Variants in FHIP1A observed in about 807,000 individuals in gnomAD.
FHIP1A encodes FHF complex subunit HOOK-interacting protein 1A.
In FHIP1A, 61 loss-of-function variants were observed where a neutral mutation model predicts 88.6. The ratio of observed to expected loss-of-function variants is 0.69; its 90% CI spans 0.56 to 0.85. The LOEUF (loss-of-function observed/expected upper bound fraction) is 0.85. FHIP1A is among the 40% of genes least tolerant of loss of function. FHIP1A has a pLI of 0.00. For missense variants in FHIP1A, 1,154 were observed against 1,273.5 expected, an observed-to-expected ratio of 0.91 and a Z score of 1.43; for synonymous variants, 478 against 496.0, an observed-to-expected ratio of 0.96 and a Z score of 0.48.
At chr4:151,542,442 C>T (rs1016108535) in intron 3 of FHIP1A, among the ~76,000 whole-genome samples, 2 of 152,132 alleles carry the variant, frequency 1.3e-5, no homozygotes, top group African/African-American at 4.8e-5. Flanking sequence ...TTGTCCCACT[C>T]TATATTCTCT....
At chr4:151,614,713 A>G (rs1385009864) in intron 7 of FHIP1A, among the ~76,000 whole-genome samples, 1 of 152,128 alleles carries the variant, frequency 6.6e-6, no homozygotes, top group Non-Finnish European at 1.5e-5. Flanking sequence ...GTCCCTGTAT[A>G]TGACCCAGGT....
intron 3 of FHIP1A, among the ~76,000 whole-genome samples, chr4:151,547,875 C>G (rs1732566417): frequency 6.6e-6 from 1 of 151,776 alleles, no homozygotes; most frequent in Non-Finnish European, 1.5e-5. Context: ...AATTGCACCA[C>G]TGCACTCCAG....
intron 1 of FHIP1A, among the ~76,000 whole-genome samples, chr4:151,440,399 T>TA (rs746755808): frequency 6.6e-6 from 1 of 152,182 alleles, no homozygotes; most frequent in Non-Finnish European, 1.5e-5. Context: ...GGCTCAAAAA[T>TA]ATTGTTGGAT....
chr4:151,568,343 C>T (rs1027438843), intron 4 of FHIP1A, among the ~76,000 whole-genome samples: 6 of 152,178 alleles, frequency 3.9e-5, no homozygotes, highest in African/African-American at 1.2e-4. Context: ...AGTTGAGACA[C>T]TCATGGTCTT....
chr4:151,469,147 A>G (rs1025106574), intron 2 of FHIP1A, among the ~76,000 whole-genome samples: 6 of 152,158 alleles, frequency 3.9e-5, no homozygotes, highest in African/African-American at 9.7e-5. Context: ...CTTTTGGATA[A>G]TAGTTTTAAG....
chr4:151,646,411 C>G, intron 9 of FHIP1A, 147 bp from the exon 10 acceptor site: 2 of 576,640 alleles, frequency 3.5e-6, no homozygotes, highest in Non-Finnish European at 6.2e-6. Flanking sequence ...AGGAGTGAAC[C>G]CTGGTGGCTG....
chr4:151,618,820 C>T (rs1479546644), intron 7 of FHIP1A, among the ~76,000 whole-genome samples: 2 of 152,224 alleles, frequency 1.3e-5, no homozygotes, highest in African/African-American at 2.4e-5. Context: ...TATTCATTCC[C>T]ATTGCAGACC....
intron 3 of FHIP1A, among the ~76,000 whole-genome samples, chr4:151,516,797 AAAC>A (rs1207930508): frequency 1.3e-5 from 2 of 151,530 alleles, no homozygotes; most frequent in Admixed American, 1.3e-4. Context: ...AAAAGTCAGG[AAAC>A]AACAGGTGCT....
intron 3 of FHIP1A, among the ~76,000 whole-genome samples, chr4:151,539,026 A>G (rs1181474340): frequency 1.3e-5 from 2 of 152,160 alleles, no homozygotes; most frequent in Non-Finnish European, 2.9e-5. Context: ...CAGCCGTTCT[A>G]TTAGGGATTA....
chr4:151,632,386 A>G (rs1736188396), intron 8 of FHIP1A, among the ~76,000 whole-genome samples: 1 of 151,992 alleles, frequency 6.6e-6, no homozygotes, highest in Non-Finnish European at 1.5e-5. Context: ...GCACAATAAT[A>G]GTAGGAGACT....
chr4:151,549,056 A>G (rs1177550809), intron 3 of FHIP1A, among the ~76,000 whole-genome samples: 3 of 152,086 alleles, frequency 2.0e-5, no homozygotes, highest in Non-Finnish European at 4.4e-5. Flanking sequence ...AGTCTAAACT[A>G]ATTACGATTG....
At chr4:151,586,872 TA>T in intron 6 of FHIP1A, 73 bp downstream of exon 6, 5 of 1,145,216 alleles carry the variant, frequency 4.4e-6, no homozygotes, top group Non-Finnish European at 5.9e-6. Flanking sequence ...GGATTAATTT[TA>T]AAACGTTCAT....
At chr4:151,417,514 C>T (rs1035427656) in intron 1 of FHIP1A, among the ~76,000 whole-genome samples, 4 of 152,106 alleles carry the variant, frequency 2.6e-5, no homozygotes, top group African/African-American at 7.2e-5. Context: ...GGGACCAATC[C>T]GAGGTACTTT....
At chr4:151,645,822 G>A (rs1362770301) in intron 9 of FHIP1A, among the ~76,000 whole-genome samples, 1 of 151,924 alleles carries the variant, frequency 6.6e-6, no homozygotes, top group Non-Finnish European at 1.5e-5. Context: ...GTCAGAAATG[G>A]TTGCTCAGGT....
At chr4:151,483,357 T>A (rs1469613070) in intron 3 of FHIP1A, among the ~76,000 whole-genome samples, 5 of 151,958 alleles carry the variant, frequency 3.3e-5, no homozygotes, top group Non-Finnish European at 7.4e-5. Flanking sequence ...CTAGAGTGCT[T>A]GCTAAAAAAA....
At chr4:151,589,044 C>T (rs1009294503) in intron 7 of FHIP1A, 118 bp downstream of exon 7, 63 of 733,674 alleles carry the variant, frequency 8.6e-5, no homozygotes, top group African/African-American at 3.0e-4. Flanking sequence ...CTTTTCATTC[C>T]GTCTATATTT....
intron 7 of FHIP1A, among the ~76,000 whole-genome samples, chr4:151,617,458 C>T (rs1451708677): frequency 1.3e-5 from 2 of 152,110 alleles, no homozygotes; most frequent in Admixed American, 1.3e-4. Context: ...TGCCTATGAG[C>T]CTTCCTTCCC....
chr4:151,505,199 A>G (rs909451890), intron 3 of FHIP1A, among the ~76,000 whole-genome samples: 3 of 152,138 alleles, frequency 2.0e-5, no homozygotes, highest in Non-Finnish European at 4.4e-5. Context: ...TAATGAGATC[A>G]TTTGCTTCTC....
rs1447377718 is a variant in FHIP1A, at chr4:151,665,735, A to G, written c.*2981A>G. ...GGAAAAAAATCATTGGCAATGAAGTAGAATATTCTGGTCCTAAAGTAAATC... is the reference window on the plus strand; with the variant it reads ...GGAAAAAAATCATTGGCAATGAAGTGGAATATTCTGGTCCTAAAGTAAATC... On this transcript the variant is annotated 3_prime_UTR_variant, in exon 14 of 14. Transcript: ENST00000435205. Among the ~76,000 whole-genome samples, 1 of 152,258 alleles carries G rather than the reference A, an allele frequency of 6.6e-6. No homozygotes were observed. The highest frequency in any genetic ancestry group is 1.5e-5 in the Non-Finnish European group (1 of 68,044).
Sources: allele counts gnomAD v4.1 joint callset (sites outside exome capture counted in the v4.1 genomes callset), GRCh38; gene constraint gnomAD v4.1.1; transcripts MANE v1.5; gene names NCBI Gene and HGNC (gene_info 2026-07-23, HGNC 2026-07-21).